The following SYT7 variants were observed in gnomAD, a reference collection of about 807,000 sequenced individuals.
SYT7 encodes the protein synaptotagmin-7.
In SYT7, 29 loss-of-function variants were observed where a neutral mutation model predicts 75.1. That is an observed-to-expected ratio of 0.39 (90% CI 0.29 to 0.53). The LOEUF is 0.53. Ranked by LOEUF, SYT7 falls within the 20% of genes least tolerant of loss-of-function variation. The pLI, the probability that SYT7 is intolerant of heterozygous loss-of-function variation, is 0.77. For missense variants in SYT7, 693 were observed against 953.2 expected (o/e 0.73, Z 3.59); for synonymous variants, 376 against 401.7 (o/e 0.94, Z 0.76).
intron 7 of SYT7, 116 bp from the exon 8 acceptor site, chr11:61,533,240 G>A: frequency 6.8e-7 from 1 of 1,460,718 alleles, no homozygotes; most frequent in Non-Finnish European, 9.0e-7. Flanking sequence ...ATGCCCGGCG[G>A]GCCGGCAGGA....
chr11:61,535,198 AGGAGAGAGAG>A (rs2062833639), intron 7 of SYT7, among the ~76,000 whole-genome samples: 1 of 152,182 alleles, frequency 6.6e-6, no homozygotes, highest in Non-Finnish European at 1.5e-5. Context: ...AGGAGACAGA[AGGAGAGAGAG>A]GCCAAGAAAG....
upstream of SYT7, among the ~76,000 whole-genome samples, chr11:61,585,390 G>T (rs557565300): frequency 6.6e-6 from 1 of 152,118 alleles, no homozygotes; most frequent in African/African-American, 2.4e-5. Flanking sequence ...CTGAGCATTC[G>T]CCTGATTCAG....
Position 61,556,139 on chromosome 11 carries a change from G to A in SYT7, c.100C>T (p.Leu34Phe), listed in dbSNP as rs144496851. ...ITVSLSVTVV[L>F]CGLCHWCQRK... ...TGACACCAGTGGCAGAGGCCGCAGA[G>A]GACGACAGTGACGCTAAGGCTGACG... Residue 34 changes from leucine (L) to phenylalanine (F), a missense_variant, in exon 2 of 13, where the codon CTC becomes TTC. Around this residue, in one of 2 missense-constraint regions of SYT7, gnomAD observed 487 missense variants for 593.2 expected, o/e 0.82. Coordinates refer to ENST00000539008, the MANE Select transcript of SYT7 (RefSeq NM_001365809.2). 4.3e-6 allele frequency: 7 copies of A among 1,614,044 alleles called. No individual in the cohort carries two copies. The highest frequency in any genetic ancestry group is 3.3e-5 in the South Asian group (3 of 91,058).
Position 61,580,828 on chromosome 11 carries a change from T to A in SYT7, c.-8A>T. ...CTCCGGGTCCCGGTACATGGTCCCC[T>A]CGTCGCCGGTTCCCTCCGGGCTCCT... is the stretch of plus-strand genomic sequence containing the variant. On this transcript the variant is annotated 5_prime_UTR_variant, in exon 1 of 13. Transcript: ENST00000539008. This position sits in a 1 kb window ranked among gnomAD's most constrained non-coding sequence, Gnocchi z 6.1. 1 of 1,264,388 alleles carries A rather than the reference T, an allele frequency of 7.9e-7. No individual in the cohort carries two copies. Among genetic ancestry groups the A allele is most frequent in the South Asian group, 2.7e-5 (1 of 36,848 alleles). 78.3% of individuals were successfully genotyped at this position (1,264,388 alleles called of 1,614,324 possible). A position where few individuals can be genotyped will look rare whatever the true frequency, so the allele number is the denominator to read the frequency against.
rs527363177 is a variant in SYT7, at chr11:61,524,411, G to A, written c.1593C>T (p.Thr531=). ...GATCCTTCCAGAAGGTCTGCATCTGGGTCAGGTCCACCTTGTTAAGGGGGA... is the reference window on the plus strand; with the variant it reads ...GATCCTTCCAGAAGGTCTGCATCTGAGTCAGGTCCACCTTGTTAAGGGGGA... ...VSIPLNKVDL[T]QMQTFWKDLK... is the part of the protein sequence containing the mutation. The change falls in exon 10 of 13, where the codon ACC becomes ACT. Residue 531 remains threonine (T), a synonymous_variant. Transcript: ENST00000539008. The surrounding 1 kb of genome is among the most constrained non-coding windows in gnomAD (Gnocchi z 4.1). 4.3e-6 allele frequency: 7 copies of A among 1,614,102 alleles called. No individual in the cohort carries two copies. In the African/African-American group the frequency reaches 9.3e-5, roughly 22 times the overall value.
intron 1 of SYT7, among the ~76,000 whole-genome samples, chr11:61,559,307 G>T (rs958227538): frequency 7.9e-5 from 12 of 152,148 alleles, no homozygotes; most frequent in Non-Finnish European, 2.9e-5. Flanking sequence ...GGCGAAAGTA[G>T]GATATTCCAG....
chr11:61,567,851 GGCGTTGCCCGACACCC>G (rs2063815049), intron 1 of SYT7, among the ~76,000 whole-genome samples: 1 of 152,220 alleles, frequency 6.6e-6, no homozygotes, highest in Non-Finnish European at 1.5e-5. Flanking sequence ...CAGAGCTTGC[GGCGTTGCCCGACACCC>G]GCACACTCCA....
chr11:61,580,857 A>AGCCGCCCGCGGCCGCGCGCTGCTCC lies in SYT7; in HGVS notation c.-62_-38dup. ...CGCCGGTTCCCTCCGGGCTCCTCAGAGCCGCCCGCGGCCGCGCGCTGCTCC... is the reference window on the plus strand; with the variant it reads ...CGCCGGTTCCCTCCGGGCTCCTCAGAGCCGCCCGCGGCCGCGCGCTGCTCCGCCGCCCGCGGCCGCGCGCTGCTCC... On this transcript the variant is annotated 5_prime_UTR_variant, in exon 1 of 13. It removes the in-frame stop codon of an upstream open reading frame in the 5' UTR. Coordinates refer to ENST00000539008, the MANE Select transcript of SYT7 (RefSeq NM_001365809.2). This position sits in a 1 kb window ranked among gnomAD's most constrained non-coding sequence, Gnocchi z 6.1. The AGCCGCCCGCGGCCGCGCGCTGCTCC allele has an allele frequency of 8.4e-7, 1 of 1,195,692 alleles. No individual in the cohort carries two copies. Among genetic ancestry groups the AGCCGCCCGCGGCCGCGCGCTGCTCC allele is most frequent in the Admixed American group, 4.5e-5 (1 of 22,458 alleles). 74.1% of individuals were successfully genotyped at this position (1,195,692 alleles called of 1,614,324 possible). A position where few individuals can be genotyped will look rare whatever the true frequency, so the allele number is the denominator to read the frequency against.
chr11:61,518,461 C>T lies in SYT7; in HGVS notation c.*166G>A. The stretch of plus-strand genomic sequence containing the variant: ...TGGACTGTGGGGGATGGGGCTGGTA[C>T]TTCCTAGAAACGGGGCCCAGTTGAG... On this transcript the variant is annotated 3_prime_UTR_variant, in exon 13 of 13. Coordinates refer to ENST00000539008, the MANE Select transcript of SYT7 (RefSeq NM_001365809.2). 2.1e-6 allele frequency: 1 copy of T among 485,084 alleles called. No homozygotes were observed. Among genetic ancestry groups the T allele is most frequent in the Non-Finnish European group, 3.7e-6 (1 of 273,710 alleles). 30.0% of individuals were successfully genotyped at this position (485,084 alleles called of 1,614,324 possible). A position where few individuals can be genotyped will look rare whatever the true frequency, so the allele number is the denominator to read the frequency against.
chr11:61,535,259 A>G (rs2062836345), intron 7 of SYT7, among the ~76,000 whole-genome samples: 1 of 152,188 alleles, frequency 6.6e-6, no homozygotes, highest in Non-Finnish European at 1.5e-5. Flanking sequence ...GGACGAGGGG[A>G]CAGGGAGGAG....
chr11:61,573,110 G>C (rs950825174), intron 1 of SYT7, among the ~76,000 whole-genome samples: 2 of 152,240 alleles, frequency 1.3e-5, no homozygotes, highest in African/African-American at 4.8e-5. Flanking sequence ...GAGACAGGTT[G>C]GCTTTGGTGG....
chr11:61,588,235 C>G, the SYT7 span, among the ~76,000 whole-genome samples: 1 of 152,308 alleles, frequency 6.6e-6, no homozygotes, highest in East Asian at 1.9e-4. Context: ...CGCCAGAATC[C>G]AATCCTGCTC....
chr11:61,563,482 C>T (rs2063692090), intron 1 of SYT7, among the ~76,000 whole-genome samples: 1 of 152,190 alleles, frequency 6.6e-6, no homozygotes, highest in Non-Finnish European at 1.5e-5. Flanking sequence ...AACCTCGGAC[C>T]ATTATTATCT....
chr11:61,525,204 G>A (rs1174023931), intron 9 of SYT7, among the ~76,000 whole-genome samples: 4 of 152,260 alleles, frequency 2.6e-5, no homozygotes, highest in South Asian at 2.1e-4. Flanking sequence ...TTCTCCTACC[G>A]TCCATTCTCA....
chr11:61,563,984 C>T (rs2063704676), intron 1 of SYT7, among the ~76,000 whole-genome samples: 1 of 152,146 alleles, frequency 6.6e-6, no homozygotes, highest in Non-Finnish European at 1.5e-5. Context: ...CCCACCTCCC[C>T]CAAGAAGCCC....
intron 7 of SYT7, among the ~76,000 whole-genome samples, chr11:61,534,986 T>C (rs982582118): frequency 6.6e-6 from 1 of 152,140 alleles, no homozygotes; most frequent in Admixed American, 6.5e-5. Context: ...CTGCTGAAGA[T>C]ATGAGAACGT....
chr11:61,549,609 T>A lies in SYT7; in HGVS notation c.215+1775A>T, dbSNP rs12576410. Among the ~76,000 whole-genome samples the A allele has an allele frequency of 6.4e-4, 98 of 152,350 alleles. 1 individual carries two copies. In the East Asian group the frequency reaches 0.014, roughly 21 times the overall value. On this transcript the variant is annotated intron_variant, in intron 3 of 12. Transcript: ENST00000539008. The stretch of plus-strand genomic sequence containing the variant: ...TCCGCCACCTGTGACTCCACTGACT[T>A]GGGACCTTTCTGTTCTCTGGAAAGA...
chr11:61,566,927 G>A (rs903737423), intron 1 of SYT7, among the ~76,000 whole-genome samples: 4 of 152,176 alleles, frequency 2.6e-5, no homozygotes, highest in Admixed American at 6.5e-5. Flanking sequence ...CCACCTGCCC[G>A]AATGCCCTTC....
intron 8 of SYT7, among the ~76,000 whole-genome samples, chr11:61,531,329 G>A (rs1241725435): frequency 1.3e-5 from 2 of 152,246 alleles, no homozygotes; most frequent in Non-Finnish European, 2.9e-5. Flanking sequence ...AGCTGGCTGG[G>A]AAGGGGCTGT....
Sources: allele counts gnomAD v4.1 joint callset (sites outside exome capture counted in the v4.1 genomes callset), GRCh38; gene constraint gnomAD v4.1.1; regional missense constraint gnomAD v4.1.1; non-coding constraint Gnocchi (gnomAD v3.1); transcripts MANE v1.5; gene names NCBI Gene and HGNC (gene_info 2026-07-23, HGNC 2026-07-21).